Variants in ZNF335 observed in about 807,000 individuals in gnomAD.
ZNF335 encodes the protein zinc finger protein 335.
ZNF335 carries 84 observed loss-of-function variants against 145.6 expected under a neutral mutation model. The observed-to-expected ratio is 0.58, with a 90% CI of 0.48 to 0.69. ZNF335 has a LOEUF of 0.69. ZNF335 is among the 30% of genes least tolerant of loss of function. ZNF335 has a pLI of 0.00. For synonymous variants in ZNF335, 761 were observed against 717.0 expected (o/e 1.06, Z -0.98); for missense variants, 1,865 against 1,809.7 (o/e 1.03, Z -0.55).
rs2083937684 is a variant in ZNF335 at position 45,965,647 on chromosome 20, C to G, written c.1083G>C (p.Glu361Asp). ...PGRPRKLPRLEISDLPDGVEG... is the reference protein window; with the variant it reads ...PGRPRKLPRLDISDLPDGVEG... ...CCTCACCATCTGGGAGGTCTGAGAT[C>G]TCCAGGCGGGGCAGCTTCCGGGGCC... Residue 361 changes from glutamate (E) to aspartate (D), a missense_variant, in exon 7 of 28, where the codon GAG becomes GAC. By Grantham distance (45) the Glu-to-Asp change is conservative (BLOSUM62 2). Transcript: ENST00000322927. 6.2e-7 allele frequency: 1 copy of G among 1,600,904 alleles called. No individual in the cohort carries two copies. The highest frequency in any genetic ancestry group is 1.4e-5 in the African/African-American group (1 of 73,692).
chr20:45,954,025 A>C, intron 17 of ZNF335, 77 bp from the exon 18 acceptor site: 1 of 1,483,192 alleles, frequency 6.7e-7, no homozygotes, highest in East Asian at 2.5e-5. Flanking sequence ...CCCCCATCTC[A>C]GTGTCCCAGA....
In ZNF335 at chr20:45,950,293, G is replaced by A; in HGVS notation, c.3413C>T (p.Ala1138Val). Reference protein sequence around the residue: ...PDGRKSGTPTARAPTQTPTQT... With the variant: ...PDGRKSGTPTVRAPTQTPTQT... ...GGTTGGGGTCTGGGTAGGGGCCCGG[G>A]CTGTAGGGGTTCCTGACTTCCTCCC... Residue 1138 changes from alanine (A) to valine (V), a missense_variant, in exon 22 of 28, where the codon GCC (alanine) becomes GTC (valine). Transcript: ENST00000322927. 1 of 1,562,746 alleles carries A rather than the reference G, an allele frequency of 6.4e-7. No individual in the cohort carries two copies. The highest frequency in any genetic ancestry group is 8.7e-7 in the Non-Finnish European group (1 of 1,152,778).
rs544277679 is a variant in ZNF335 at position 45,971,419 on chromosome 20, C to G, written c.-9G>C. On this transcript the variant is annotated 5_prime_UTR_variant, in exon 2 of 28. Coordinates refer to ENST00000322927, the MANE Select transcript of ZNF335 (RefSeq NM_022095.4). The stretch of plus-strand genomic sequence containing the variant: ...ACCTCGTTCTCCTCCATCTGATCGG[C>G]GGGCTGCCTGACAGCGGGGCGTAGG... The G allele has an allele frequency of 1.3e-6, 2 of 1,599,124 alleles. No individual in the cohort carries two copies.
At chr20:45,949,776 G>A in intron 24 of ZNF335, 24 bp downstream of exon 24, 4 of 1,613,430 alleles carry the variant, frequency 2.5e-6, no homozygotes, top group Non-Finnish European at 3.4e-6. Context: ...CAGCTGAGGG[G>A]ATTAACAGTA....
At chr20:45,971,560 C>A (rs1215461074) in intron 1 of ZNF335, 100 bp from the exon 2 acceptor site, 1 of 1,459,020 alleles carries the variant, frequency 6.9e-7, no homozygotes, top group South Asian at 1.4e-5. Flanking sequence ...TTTGCAGATG[C>A]GAAGATTGAG....
chr20:45,959,751 A>T (rs2083799412), intron 14 of ZNF335, among the ~76,000 whole-genome samples: 1 of 152,166 alleles, frequency 6.6e-6, no homozygotes, highest in African/African-American at 2.4e-5. Context: ...TGTGCTGACC[A>T]GGGAGCTAGG....
chr20:45,957,074 G>C (rs1363465739), intron 17 of ZNF335, among the ~76,000 whole-genome samples: 1 of 152,062 alleles, frequency 6.6e-6, no homozygotes, highest in Non-Finnish European at 1.5e-5. Context: ...GACCAGGCCA[G>C]ATGTGAACGG....
Position 45,968,310 on chromosome 20 carries a change from G to A in ZNF335, c.495C>T (p.Tyr165=), listed in dbSNP as rs2083999265. 3.1e-6 allele frequency: 5 copies of A among 1,613,396 alleles called. No homozygotes were observed. The highest frequency in any genetic ancestry group is 4.2e-6 in the Non-Finnish European group (5 of 1,179,666). ...CATCATCTGGGCCCTGTAGGATCAG[G>A]TACCGTGTGGTCTCGGCCCCGCCAT... The part of the protein sequence containing the change: ...AEDGGAETTR[Y]LILQGPDDGA... The change falls in exon 4 of 28, where the codon TAC becomes TAT. Residue 165 remains tyrosine (Y), a synonymous_variant. Transcript: ENST00000322927.
intron 15 of ZNF335, 102 bp downstream of exon 15, chr20:45,959,099 T>C (rs1391091513): frequency 9.8e-6 from 10 of 1,020,950 alleles, no homozygotes; most frequent in Non-Finnish European, 1.3e-5. Context: ...TACCACAGTC[T>C]CAAGAGGCAG....
intron 18 of ZNF335, 95 bp from the exon 19 acceptor site, chr20:45,952,804 C>CA (rs1453967409): frequency 1.8e-6 from 2 of 1,118,730 alleles, no homozygotes; most frequent in Non-Finnish European, 2.6e-6. Context: ...ACTGTCACCA[C>CA]AGATGGACTC....
Position 45,963,661 on chromosome 20 carries a change from A to G in ZNF335, c.1356-11T>C. On this transcript the variant is annotated splice_polypyrimidine_tract_variant and intron_variant, in intron 8 of 27. Coordinates refer to ENST00000322927, the MANE Select transcript of ZNF335 (RefSeq NM_022095.4). ...GACTTGTAATAGTACCTGCAGGATG[A>G]GAGTGTGGCGGAAAGGTCTGGTGGG... 1 of 1,613,910 alleles carries G rather than the reference A, an allele frequency of 6.2e-7. No individual in the cohort carries two copies.
rs2083675679 is a variant in ZNF335 at position 45,953,757 on chromosome 20, C to A, written c.2634G>T (p.Gly878=). The A allele has an allele frequency of 1.2e-6, 2 of 1,614,116 alleles. No homozygotes were observed. Among genetic ancestry groups the A allele is most frequent in the African/African-American group, 1.3e-5 (1 of 75,036 alleles). The change falls in exon 18 of 28, where the codon GGG becomes GGT. Residue 878 remains glycine, a synonymous_variant. Transcript: ENST00000322927. The stretch of plus-strand genomic sequence containing the variant: ...GTGCTGTGATGACACTGTAGCCAGT[C>A]CCACCAAATGGACCAGGTGCCAGGG... ...QITLAPGPFG[G]TGYSVITAPP... is the part of the protein sequence containing the mutation.
chr20:45,960,536 T>A lies in ZNF335; in HGVS notation c.1783-11A>T, dbSNP rs1200610588. 3 of 1,613,816 alleles carry A rather than the reference T, an allele frequency of 1.9e-6. No homozygotes were observed. The highest frequency in any genetic ancestry group is 2.5e-6 in the Non-Finnish European group (3 of 1,179,940). On this transcript the variant is annotated splice_polypyrimidine_tract_variant and intron_variant, in intron 12 of 27. Coordinates refer to ENST00000322927, the MANE Select transcript of ZNF335 (RefSeq NM_022095.4). ...AAAGGACTTTCCACACTGTGAGGGG[T>A]GGAGAGCAGTGAGATGGCGATCACC...
In ZNF335 at chr20:45,949,030, C is replaced by T. The variant is rs142441368; in HGVS notation, c.3952G>A (p.Glu1318Lys). 92 of 1,613,806 alleles carry T rather than the reference C, an allele frequency of 5.7e-5. No individual in the cohort carries two copies. The highest frequency in any genetic ancestry group is 8.3e-5 in the Admixed American group (5 of 60,008). Reference sequence around the variant, plus strand: ...TGTTGAATGTGTTCGGGCACTGTCTCGTCTGTACCAAACAGGCCCTGGGCT... The same window carrying T: ...TGTTGAATGTGTTCGGGCACTGTCTTGTCTGTACCAAACAGGCCCTGGGCT... The part of the protein sequence containing the change: ...AQAQGLFGTD[E>K]TVPEHIQQLQ... The change falls in exon 28 of 28, where the codon GAG becomes AAG. Residue 1318 changes from glutamate to lysine, a missense_variant. By Grantham distance (56) the Glu-to-Lys change is moderately conservative (BLOSUM62 1). Coordinates refer to ENST00000322927, the MANE Select transcript of ZNF335 (RefSeq NM_022095.4).
Position 45,952,424 on chromosome 20 carries a change from C to A in ZNF335, c.2912G>T (p.Gly971Val). The A allele has an allele frequency of 6.3e-7, 1 of 1,576,158 alleles. No individual in the cohort carries two copies. The highest frequency in any genetic ancestry group is 8.6e-7 in the Non-Finnish European group (1 of 1,158,012). The change falls in exon 20 of 28, where the codon GGC (glycine) becomes GTC (valine). Residue 971 changes from glycine to valine, a missense_variant. Physicochemically the swap from Gly to Val is moderately radical, Grantham distance 109 (BLOSUM62 -3). Transcript: ENST00000322927. ...CTTGGCTGGAGATGGGGGCTCAGGG[C>A]CGTCTCTGGGCAGTCCCCCACACTG... ...LLQCGGLPRD[G>V]PEPPSPAKTH...
At chr20:45,951,780 C>T (rs948388365) in intron 20 of ZNF335, among the ~76,000 whole-genome samples, 5 of 152,180 alleles carry the variant, frequency 3.3e-5, no homozygotes, top group Non-Finnish European at 5.9e-5. Flanking sequence ...CTGTTCTAGA[C>T]GTTCGAGTCT....
At position 45,952,288 on chromosome 20, in the gene ZNF335, T is replaced by C; in HGVS notation, c.3048A>G (p.Ser1016=). 1 of 1,613,594 alleles carries C rather than the reference T, an allele frequency of 6.2e-7. No homozygotes were observed. Among genetic ancestry groups the C allele is most frequent in the Middle Eastern group, 1.7e-4 (1 of 6,060 alleles). Residue 1016 remains serine (S), a synonymous_variant, in exon 20 of 28, where the codon TCA becomes TCG. Transcript: ENST00000322927. ...CACAGATCTTGCAGGAAAACTTCTT[T>C]GATGCAGCAGTGGCTGCAGATGGCG... ...PSPPSAATAA[S]KKFSCKICAE... is the part of the protein sequence containing the mutation.
chr20:45,969,724 T>C (rs751834724), intron 2 of ZNF335, 33 bp from the exon 3 acceptor site: 5 of 1,604,610 alleles, frequency 3.1e-6, no homozygotes, highest in Non-Finnish European at 4.2e-6. Context: ...GGAAAAAGTT[T>C]AGCAGCTGGG....
chr20:45,955,616 C>T (rs1387832150), intron 17 of ZNF335, among the ~76,000 whole-genome samples: 2 of 151,836 alleles, frequency 1.3e-5, no homozygotes, highest in Non-Finnish European at 2.9e-5. Context: ...GTCAGGAGTT[C>T]GAAACTAGCC....
Sources: allele counts gnomAD v4.1 joint callset (sites outside exome capture counted in the v4.1 genomes callset), GRCh38; gene constraint gnomAD v4.1.1; transcripts MANE v1.5; gene names NCBI Gene and HGNC (gene_info 2026-07-23, HGNC 2026-07-21).